Variants in ZMYM5 observed in about 807,000 individuals in gnomAD.
The protein encoded by ZMYM5 is zinc finger MYM-type containing 5, also known as zinc finger MYM-type protein 5.
Under a neutral mutation model 61.8 loss-of-function variants are expected in ZMYM5, and 41 were observed. That is an observed-to-expected ratio of 0.66 (90% CI 0.52 to 0.86). ZMYM5 has a LOEUF of 0.86. Among genes scored for constraint, ZMYM5 ranks in the 40% least tolerant of loss-of-function variants. The probability of loss-of-function intolerance (pLI) is 0.00; values close to 1 mark genes in which losing one functional copy is unlikely to be tolerated. For synonymous variants in ZMYM5, 257 were observed against 276.4 expected, an observed-to-expected ratio of 0.93 and a Z score of 0.70; for missense variants, 706 against 786.7, an observed-to-expected ratio of 0.90 and a Z score of 1.23.
At chr13:19,840,850 T>C (rs1952846111) in intron 4 of ZMYM5, among the ~76,000 whole-genome samples, 1 of 152,058 alleles carries the variant, frequency 6.6e-6, no homozygotes, top group South Asian at 2.1e-4. Context: ...GCTAATTTTT[T>C]GTATTTTTAG....
rs1566089142 is a variant in ZMYM5, at chr13:19,835,559, T to C, written c.1169A>G (p.Lys390Arg). 1 of 1,367,726 alleles carries C rather than the reference T, an allele frequency of 7.3e-7. No individual in the cohort carries two copies. The highest frequency in any genetic ancestry group is 9.8e-7 in the Non-Finnish European group (1 of 1,021,860). The allele number at this position is 1,367,726 out of a possible 1,614,324, so 84.7% of individuals were successfully genotyped here. The stretch of plus-strand genomic sequence containing the variant: ...CACCAGGATGTTGTTTCCAGTACTC[T>C]TACTAGGCATGTACTCTCCACAGTG... ...CEHCGEYMPSKSTGNNILVIG... is the reference protein window; with the variant it reads ...CEHCGEYMPSRSTGNNILVIG... The change falls in exon 7 of 8, where the codon AAG (lysine) becomes AGG (arginine). Residue 390 changes from lysine (K) to arginine (R), a missense_variant. Physicochemically the swap from Lys to Arg is conservative, Grantham distance 26 (BLOSUM62 2). Around this residue, in one of 2 missense-constraint regions of ZMYM5, gnomAD observed 480 missense variants for 461.7 expected, o/e 1.04. Coordinates refer to ENST00000337963, the MANE Select transcript of ZMYM5 (RefSeq NM_001142684.2).
Position 19,838,900 on chromosome 13 carries a change from A to G in ZMYM5, c.672T>C (p.Arg224=). The change falls in exon 5 of 8, where the codon CGT becomes CGC. Residue 224 remains arginine (R), a synonymous_variant. Coordinates refer to ENST00000337963, the MANE Select transcript of ZMYM5 (RefSeq NM_001142684.2). Reference sequence around the variant, plus strand: ...GGGCTGTAGGCTGGAAATTCTGCTTACGAAGTAAGGCCACTGGTGATAAAG... The same window carrying G: ...GGGCTGTAGGCTGGAAATTCTGCTTGCGAAGTAAGGCCACTGGTGATAAAG... ...VDSLSPVALL[R]KQNFQPTAQQ... 1 of 1,614,184 alleles carries G rather than the reference A, an allele frequency of 6.2e-7. No individual in the cohort carries two copies. Among genetic ancestry groups the G allele is most frequent in the African/African-American group, 1.3e-5 (1 of 75,062 alleles).
chr13:19,840,715 C>T (rs4040773), intron 4 of ZMYM5, among the ~76,000 whole-genome samples: 5 of 151,354 alleles, frequency 3.3e-5, no homozygotes, highest in Middle Eastern at 3.4e-3. Flanking sequence ...CTCGCTCTGT[C>T]GCCCAGGCTG....
At chr13:19,855,551 C>T (rs61950610) in intron 2 of ZMYM5, among the ~76,000 whole-genome samples, 104,234 of 151,530 alleles carry the variant, frequency 0.69, 38,510 homozygotes, top group East Asian at 0.89. Context: ...CATGAGCCAC[C>T]GCGCCCGGCC....
At chr13:19,837,591 T>C (rs371329902) in intron 6 of ZMYM5, 65 bp downstream of exon 6, 9 of 1,606,212 alleles carry the variant, frequency 5.6e-6, no homozygotes, top group African/African-American at 1.3e-5. Flanking sequence ...GAGTACATAA[T>C]AGCACTTAAA....
chr13:19,860,470 G>GTGTGTGTGTGTGTA (rs71070254), intron 2 of ZMYM5, among the ~76,000 whole-genome samples: 16 of 136,388 alleles, frequency 1.2e-4, no homozygotes, highest in East Asian at 9.0e-4. Context: ...GTGTGTGTGT[G>GTGTGTGTGTGTGTA]TATTTTTTTT....
At chr13:19,863,205 C>T (rs1953842445) in intron 1 of ZMYM5, among the ~76,000 whole-genome samples, 1 of 151,538 alleles carries the variant, frequency 6.6e-6, no homozygotes, top group African/African-American at 2.4e-5. Flanking sequence ...CCCGCCACCC[C>T]GCCTCCCCGC....
intron 4 of ZMYM5, among the ~76,000 whole-genome samples, chr13:19,848,741 G>C (rs1218205256): frequency 6.6e-6 from 1 of 151,792 alleles, no homozygotes; most frequent in Non-Finnish European, 1.5e-5. Context: ...CACCACGTTG[G>C]CCAGGGTGGT....
At chr13:19,850,614 AAAT>A (rs1222571094) in intron 4 of ZMYM5, among the ~76,000 whole-genome samples, 1 of 152,096 alleles carries the variant, frequency 6.6e-6, no homozygotes, top group Non-Finnish European at 1.5e-5. Context: ...ATAAATAAAT[AAAT>A]AAATAAATAA....
chr13:19,836,688 T>TTA (rs1952684764), intron 6 of ZMYM5, among the ~76,000 whole-genome samples: 1 of 152,180 alleles, frequency 6.6e-6, no homozygotes, highest in Non-Finnish European at 1.5e-5. Context: ...GGAATCAATA[T>TTA]TATCTGTATT....
chr13:19,843,236 G>A lies in ZMYM5; in HGVS notation c.587-4251C>T, dbSNP rs1952944112. Among the ~76,000 whole-genome samples, 5 of 150,566 alleles carry A rather than the reference G, an allele frequency of 3.3e-5. No individual in the cohort carries two copies. In the South Asian group the frequency reaches 1.0e-3, roughly 31 times the overall value. On this transcript the variant is annotated intron_variant, in intron 4 of 7. Coordinates refer to ENST00000337963, the MANE Select transcript of ZMYM5 (RefSeq NM_001142684.2). ...AGGTTGAAGTGATTCTCGTGCCTCA[G>A]TCTCCCAAGTAGCTGGGATTACAGG...
At chr13:19,828,088 C>G (rs149673719) in intron 7 of ZMYM5, among the ~76,000 whole-genome samples, 1,798 of 146,458 alleles carry the variant, frequency 0.012, 38 homozygotes, top group African/African-American at 0.041. Context: ...CACAACACAA[C>G]TTGAGTACCA....
chr13:19,837,355 T>C, intron 6 of ZMYM5: 1 of 1,268,876 alleles, frequency 7.9e-7, no homozygotes, highest in Non-Finnish European at 1.0e-6. Context: ...CCCCCAACTC[T>C]TGAGACTACA....
intron 2 of ZMYM5, among the ~76,000 whole-genome samples, chr13:19,858,312 C>T (rs1953585488): frequency 1.3e-5 from 2 of 151,804 alleles, no homozygotes; most frequent in Admixed American, 1.3e-4. Context: ...GGGCCAGGTG[C>T]AGTATAATGC....
intron 7 of ZMYM5, among the ~76,000 whole-genome samples, chr13:19,831,454 G>A (rs1891210097): frequency 6.6e-6 from 1 of 151,814 alleles, no homozygotes; most frequent in Non-Finnish European, 1.5e-5. Context: ...AAATACACAT[G>A]GTAGAATGAG....
chr13:19,849,360 G>A (rs1953199312), intron 4 of ZMYM5, among the ~76,000 whole-genome samples: 1 of 152,156 alleles, frequency 6.6e-6, no homozygotes, highest in South Asian at 2.1e-4. Context: ...CTGGCCTCAA[G>A]TGATCCTTCT....
intron 6 of ZMYM5, 112 bp downstream of exon 6, chr13:19,837,544 G>A: frequency 1.6e-5 from 25 of 1,604,682 alleles, no homozygotes; most frequent in Non-Finnish European, 2.0e-5. Flanking sequence ...TCAGCTTCAT[G>A]TTATACATCC....
In ZMYM5 at chr13:19,835,579, A is replaced by G; in HGVS notation, c.1149T>C (p.Cys383=). Residue 383 remains cysteine, a synonymous_variant, in exon 7 of 8, where the codon TGT becomes TGC. Transcript: ENST00000337963. ...TACTCTTACTAGGCATGTACTCTCCACAGTGTTCACAGCAGTTCATTATTA... is the reference window on the plus strand; with the variant it reads ...TACTCTTACTAGGCATGTACTCTCCGCAGTGTTCACAGCAGTTCATTATTA... ...NGLIMNCCEH[C]GEYMPSKSTG... 7.3e-7 allele frequency: 1 copy of G among 1,367,670 alleles called. No homozygotes were observed. 84.7% of individuals were successfully genotyped at this position (1,367,670 alleles called of 1,614,324 possible).
chr13:19,835,560 T>C lies in ZMYM5; in HGVS notation c.1168A>G (p.Lys390Glu), dbSNP rs993109242. The change falls in exon 7 of 8, where the codon AAG becomes GAG. Residue 390 changes from lysine to glutamate, a missense_variant. Around this residue, in one of 2 missense-constraint regions of ZMYM5, gnomAD observed 480 missense variants for 461.7 expected, o/e 1.04. Coordinates refer to ENST00000337963, the MANE Select transcript of ZMYM5 (RefSeq NM_001142684.2). ...ACCAGGATGTTGTTTCCAGTACTCT[T>C]ACTAGGCATGTACTCTCCACAGTGT... Reference protein sequence around the residue: ...CEHCGEYMPSKSTGNNILVIG... With the variant: ...CEHCGEYMPSESTGNNILVIG... 7.3e-7 allele frequency: 1 copy of C among 1,367,736 alleles called. No homozygotes were observed. The highest frequency in any genetic ancestry group is 1.9e-5 in the Admixed American group (1 of 52,578). 84.7% of individuals were successfully genotyped at this position (1,367,736 alleles called of 1,614,324 possible).
Sources: gnomAD v4.1 joint callset for allele counts (sites outside exome capture counted in the v4.1 genomes callset) on GRCh38, gnomAD v4.1.1 for gene constraint, gnomAD v4.1.1 regional missense constraint, MANE v1.5 for transcripts, NCBI Gene and HGNC (gene_info 2026-07-23, HGNC 2026-07-21) for gene names.